The following CSMD1 variants were observed in gnomAD, a reference collection of about 807,000 sequenced individuals.
CSMD1 encodes CUB and sushi domain-containing protein 1.
CSMD1 carries 213 observed loss-of-function variants against 417.5 expected under a neutral mutation model. The observed-to-expected ratio is 0.51, with a 90% confidence interval of 0.46 to 0.57. The LOEUF (loss-of-function observed/expected upper bound fraction) is 0.57. CSMD1 is among the 20% of genes least tolerant of loss of function. The probability of loss-of-function intolerance (pLI) is 0.00; values close to 1 mark genes in which losing one functional copy is unlikely to be tolerated. For missense variants in CSMD1, 6,923 were observed against 4,529.7 expected (o/e 1.53, Z -15.17); for synonymous variants, 2,862 against 1,736.8 (o/e 1.65, Z -16.11).
At chr8:3,643,054 T>C (rs559641884) in intron 7 of CSMD1, among the ~76,000 whole-genome samples, 2 of 152,164 alleles carry the variant, frequency 1.3e-5, no homozygotes, top group East Asian at 1.9e-4. Context: ...ATCCTGTGCA[T>C]GTGAGTGTCG....
At chr8:3,916,665 C>A (rs375712714) in intron 5 of CSMD1, among the ~76,000 whole-genome samples, 1 of 152,144 alleles carries the variant, frequency 6.6e-6, no homozygotes, top group East Asian at 1.9e-4. Flanking sequence ...CGGATGTATT[C>A]ATCACCTGAT....
At position 3,358,578 on chromosome 8, in the gene CSMD1, C is replaced by T. The variant is rs539769217; in HGVS notation, c.3304+574G>A. 8.1e-5 allele frequency among the ~76,000 whole-genome samples: 12 copies of T among 148,496 alleles called. No homozygotes were observed. The South Asian group carries it at 1.7e-3, about 21-fold the overall frequency. ...AGCCTAGTACTTCATGGCAAAGTACCGAAATAAAAATTCCTGTTACTCTTC... is the reference window on the plus strand; with the variant it reads ...AGCCTAGTACTTCATGGCAAAGTACTGAAATAAAAATTCCTGTTACTCTTC... On this transcript the variant is annotated intron_variant, in intron 21 of 69. Transcript: ENST00000635120.
chr8:3,616,640 T>G (rs1393043212), intron 8 of CSMD1, 70 bp downstream of exon 8: 9 of 1,006,848 alleles, frequency 8.9e-6, no homozygotes, highest in Non-Finnish European at 1.2e-5. Context: ...GAGTTAAATT[T>G]AACTGCAAGC....
At chr8:3,668,564 G>A (rs547161821) in intron 7 of CSMD1, among the ~76,000 whole-genome samples, 1 of 152,186 alleles carries the variant, frequency 6.6e-6, no homozygotes, top group East Asian at 1.9e-4. Context: ...TATGCAAAGG[G>A]GATCAAGCCT....
intron 3 of CSMD1, among the ~76,000 whole-genome samples, chr8:4,117,797 G>T (rs1329284674): frequency 1.3e-5 from 2 of 152,076 alleles, no homozygotes; most frequent in African/African-American, 2.4e-5. Flanking sequence ...GTCAGGCTCA[G>T]AACGTATCCT....
intron 3 of CSMD1, among the ~76,000 whole-genome samples, chr8:4,345,858 G>A (rs979729700): frequency 6.6e-6 from 1 of 152,102 alleles, no homozygotes; most frequent in East Asian, 1.9e-4. Context: ...GTGTTCTGAG[G>A]TTACATGCAC....
chr8:3,990,368 T>G (rs1275057222), intron 5 of CSMD1, among the ~76,000 whole-genome samples: 1 of 152,050 alleles, frequency 6.6e-6, no homozygotes, highest in African/African-American at 2.4e-5. Flanking sequence ...AACTGTAGAG[T>G]TCAACTCTGC....
intron 1 of CSMD1, among the ~76,000 whole-genome samples, chr8:4,681,112 C>T (rs1382246): frequency 0.67 from 101,845 of 151,930 alleles, 34,911 homozygotes; most frequent in African/African-American, 0.8. Context: ...TCCTGATTAA[C>T]GAAGATGAAA....
At chr8:3,305,112 C>T (rs1467295566) in intron 25 of CSMD1, among the ~76,000 whole-genome samples, 1 of 152,096 alleles carries the variant, frequency 6.6e-6, no homozygotes, top group African/African-American at 2.4e-5. Flanking sequence ...ACCAACTGGG[C>T]TCAAGACATC....
chr8:4,087,145 G>T (rs1800463244), intron 3 of CSMD1, among the ~76,000 whole-genome samples: 1 of 152,154 alleles, frequency 6.6e-6, no homozygotes, highest in South Asian at 2.1e-4. Context: ...TTGCGGAAAT[G>T]GAACAAAGAC....
chr8:4,796,789 G>T (rs1798004382), intron 1 of CSMD1, among the ~76,000 whole-genome samples: 1 of 152,112 alleles, frequency 6.6e-6, no homozygotes, highest in Non-Finnish European at 1.5e-5. Flanking sequence ...TGCAATCACG[G>T]TGAGTAAATT....
At chr8:4,510,389 C>CAAAAAA (rs1563243981) in intron 2 of CSMD1, among the ~76,000 whole-genome samples, 2 of 10,958 alleles carry the variant, frequency 1.8e-4, no homozygotes, top group African/African-American at 8.3e-4. Context: ...AGCATAATGC[C>CAAAAAA]TAAAAAAAAA....
At chr8:4,606,609 T>C (rs1384590227) in intron 2 of CSMD1, among the ~76,000 whole-genome samples, 2 of 152,170 alleles carry the variant, frequency 1.3e-5, no homozygotes, top group Admixed American at 6.5e-5. Context: ...CACTTGAAAT[T>C]AGCAAAACGG....
chr8:3,065,421 G>A (rs1277466828), intron 49 of CSMD1, among the ~76,000 whole-genome samples: 2 of 152,070 alleles, frequency 1.3e-5, no homozygotes, highest in African/African-American at 2.4e-5. Context: ...TAAATCAGTA[G>A]AGAGATGATA....
intron 25 of CSMD1, among the ~76,000 whole-genome samples, chr8:3,285,823 A>G (rs910279548): frequency 1.2e-4 from 18 of 150,274 alleles, no homozygotes; most frequent in African/African-American, 3.7e-4. Context: ...CCATTTGTGT[A>G]TATATATATA....
chr8:3,881,469 T>C (rs1806197315), intron 5 of CSMD1, among the ~76,000 whole-genome samples: 1 of 151,532 alleles, frequency 6.6e-6, no homozygotes, highest in African/African-American at 2.4e-5. Flanking sequence ...ACCCTGTCTC[T>C]ACTAAAAATA....
chr8:4,589,270 G>A (rs1370323837), intron 2 of CSMD1, among the ~76,000 whole-genome samples: 2 of 152,222 alleles, frequency 1.3e-5, no homozygotes, highest in South Asian at 2.1e-4. Context: ...CTAAATTTGT[G>A]TTTTGCCTCT....
At chr8:4,933,234 G>C (rs958082665) in intron 1 of CSMD1, among the ~76,000 whole-genome samples, 1 of 151,654 alleles carries the variant, frequency 6.6e-6, no homozygotes, top group Non-Finnish European at 1.5e-5. Flanking sequence ...TTCCCACTAA[G>C]TATGATATGA....
intron 2 of CSMD1, among the ~76,000 whole-genome samples, chr8:4,477,335 G>A (rs980353196): frequency 6.6e-6 from 1 of 152,158 alleles, no homozygotes; most frequent in Non-Finnish European, 1.5e-5. Context: ...GCTGGAAGGA[G>A]TTAGGCTGTC....
Sources: gnomAD v4.1 joint callset for allele counts (sites outside exome capture counted in the v4.1 genomes callset) on GRCh38, gnomAD v4.1.1 for gene constraint, MANE v1.5 for transcripts, NCBI Gene and HGNC (gene_info 2026-07-23, HGNC 2026-07-21) for gene names.